CFAP36: variants seen among roughly 807,000 people sequenced by gnomAD.
CFAP36 encodes cilia- and flagella-associated protein 36.
Under a neutral mutation model 50.5 loss-of-function variants are expected in CFAP36, and 37 were observed. The observed-to-expected ratio is 0.73, with a 90% CI of 0.56 to 0.96. The LOEUF is 0.96. Ranked by LOEUF, CFAP36 falls within the 50% of genes least tolerant of loss-of-function variation. The pLI is 0.00. For missense variants in CFAP36, 407 were observed against 396.2 expected, an observed-to-expected ratio of 1.03 and a Z score of -0.23; for synonymous variants, 138 against 128.2, an observed-to-expected ratio of 1.08 and a Z score of -0.52.
chr2:55,521,313 C>T (rs374757504), intron 1 of CFAP36, among the ~76,000 whole-genome samples: 1 of 148,344 alleles, frequency 6.7e-6, no homozygotes, highest in South Asian at 2.2e-4. Context: ...ATTCAGTAAA[C>T]ACTTGTTTTG....
intron 6 of CFAP36, 80 bp downstream of exon 6, chr2:55,535,843 T>G (rs750931829): frequency 2.0e-6 from 3 of 1,472,362 alleles, no homozygotes; most frequent in Non-Finnish European, 2.7e-6. Context: ...ACTATTAAAA[T>G]TTATACTTAT....
chr2:55,527,786 C>T (rs1684247595), intron 3 of CFAP36, among the ~76,000 whole-genome samples: 2 of 152,110 alleles, frequency 1.3e-5, no homozygotes, highest in African/African-American at 4.8e-5. Flanking sequence ...AGTGTCTGCT[C>T]TCAGACCACA....
intron 3 of CFAP36, among the ~76,000 whole-genome samples, chr2:55,527,001 C>T (rs1558908312): frequency 6.6e-6 from 1 of 151,518 alleles, no homozygotes; most frequent in Non-Finnish European, 1.5e-5. Flanking sequence ...GTATTCCAGC[C>T]TGGGCTGCAG....
chr2:55,527,964 GT>G (rs1217948470), intron 3 of CFAP36, among the ~76,000 whole-genome samples: 1 of 151,940 alleles, frequency 6.6e-6, no homozygotes, highest in Non-Finnish European at 1.5e-5. Context: ...GAGCTCAGGA[GT>G]TTGAGACAAG....
intron 4 of CFAP36, among the ~76,000 whole-genome samples, chr2:55,532,221 GAAAA>G (rs1312922237): frequency 6.6e-6 from 1 of 150,670 alleles, no homozygotes; most frequent in Non-Finnish European, 1.5e-5. Flanking sequence ...AAAAAAAAAA[GAAAA>G]AGAAAAGAAA....
intron 3 of CFAP36, among the ~76,000 whole-genome samples, chr2:55,528,676 G>A (rs1684273523): frequency 6.6e-6 from 1 of 152,166 alleles, no homozygotes; most frequent in South Asian, 2.1e-4. Context: ...GTTTACAGGT[G>A]TGAGCCACCG....
Position 55,544,918 on chromosome 2 carries a change from G to GA in CFAP36, c.942dup (p.Pro315ThrfsTer27). On this transcript the variant is annotated frameshift_variant, in exon 10 of 10. Coordinates refer to ENST00000349456, the MANE Select transcript of CFAP36 (RefSeq NM_080667.7). LOFTEE classifies it high-confidence loss of function. ...TCTTTTTTTTTCAGGAAATGACAGA[G>GA]AAACCAGAAATGACAGCAGAGGAGA... 6 of 1,591,032 alleles carry GA rather than the reference G, an allele frequency of 3.8e-6. No homozygotes were observed. Among genetic ancestry groups the GA allele is most frequent in the Non-Finnish European group, 1.7e-6 (2 of 1,172,210 alleles).
Position 55,520,396 on chromosome 2 carries a change from A to G in CFAP36, c.115+480A>G, listed in dbSNP as rs74772439. 529 of 1,536,162 alleles carry G rather than the reference A, an allele frequency of 3.4e-4. No homozygotes were observed. In the Middle Eastern group the frequency reaches 4.7e-3, roughly 14 times the overall value. ...GGAAATGAGAAATGATTTCACTCCA[A>G]ACCAACAGTTAACTGCAAAGGAGGG... On this transcript the variant is annotated intron_variant, in intron 1 of 9. Transcript: ENST00000349456.
intron 1 of CFAP36, chr2:55,520,289 C>A: frequency 1.1e-6 from 1 of 936,052 alleles, no homozygotes; most frequent in Non-Finnish European, 1.6e-6. Flanking sequence ...TCTTCAACAG[C>A]TTTGCCAGAC....
rs1558904806 is a variant in CFAP36, at chr2:55,519,852, G to A, written c.51G>A (p.Ala17=). The A allele has an allele frequency of 6.2e-7, 1 of 1,614,230 alleles. No individual in the cohort carries two copies. Residue 17 remains alanine, a synonymous_variant, in exon 1 of 10, where the codon GCG becomes GCA. Coordinates refer to ENST00000349456, the MANE Select transcript of CFAP36 (RefSeq NM_080667.7). ...DEVEWVVESI[A]GFLRGPDWSI... ...TGGAGTGGGTAGTGGAGAGCATCGCGGGGTTCCTGCGAGGCCCAGACTGGT... is the reference window on the plus strand; with the variant it reads ...TGGAGTGGGTAGTGGAGAGCATCGCAGGGTTCCTGCGAGGCCCAGACTGGT...
At position 55,527,290 on chromosome 2, in the gene CFAP36, C is replaced by T. The variant is rs1377918989; in HGVS notation, c.283-1588C>T. Among the ~76,000 whole-genome samples the T allele has an allele frequency of 5.3e-5, 8 of 152,170 alleles. No homozygotes were observed. The South Asian group carries it at 1.2e-3, about 24-fold the overall frequency. The stretch of plus-strand genomic sequence containing the variant: ...TCAGTAAAGACATAGTTGAACTAAA[C>T]AGCACCTTCAGGCCAGGCACGGTGG... On this transcript the variant is annotated intron_variant, in intron 3 of 9. Coordinates refer to ENST00000349456, the MANE Select transcript of CFAP36 (RefSeq NM_080667.7).
intron 3 of CFAP36, among the ~76,000 whole-genome samples, chr2:55,526,038 G>T (rs951400517): frequency 1.3e-5 from 2 of 152,224 alleles, no homozygotes; most frequent in African/African-American, 2.4e-5. Flanking sequence ...ATAATGCGGA[G>T]AAATCCTCAT....
In CFAP36 at chr2:55,544,968, T is replaced by G. The variant is rs1400534344; in HGVS notation, c.989T>G (p.Leu330Trp). ...EEKQTLLKRRLLAEKLKEEVI... is the reference protein window; with the variant it reads ...EEKQTLLKRRWLAEKLKEEVI... ...AAGCAAACATTACTAAAGAGGAGAT[T>G]GCTTGCAGAGAAACTCAAAGAAGAA... is the stretch of plus-strand genomic sequence containing the variant. The change falls in exon 10 of 10, where the codon TTG becomes TGG. Residue 330 changes from leucine to tryptophan, a missense_variant. Leu to Trp is a moderately conservative substitution (Grantham distance 61). Coordinates refer to ENST00000349456, the MANE Select transcript of CFAP36 (RefSeq NM_080667.7). 1 of 1,605,550 alleles carries G rather than the reference T, an allele frequency of 6.2e-7. No homozygotes were observed. The highest frequency in any genetic ancestry group is 1.3e-5 in the African/African-American group (1 of 74,650).
At chr2:55,520,473 C>G (rs1429387877) in intron 1 of CFAP36, 1 of 1,547,614 alleles carries the variant, frequency 6.5e-7, no homozygotes, top group South Asian at 1.2e-5. Flanking sequence ...GGCCTGTGTT[C>G]CCCTTGGTGA....
intron 1 of CFAP36, among the ~76,000 whole-genome samples, chr2:55,520,742 G>C (rs1684040632): frequency 6.6e-6 from 1 of 152,178 alleles, no homozygotes; most frequent in African/African-American, 2.4e-5. Flanking sequence ...GCAAGACTTT[G>C]AGGGTAGTAG....
At chr2:55,536,432 G>T (rs1574622796) in intron 6 of CFAP36, among the ~76,000 whole-genome samples, 1 of 151,054 alleles carries the variant, frequency 6.6e-6, no homozygotes, top group Admixed American at 6.6e-5. Context: ...TGCCCGGCCA[G>T]AACAACCTTT....
At chr2:55,523,366 G>T (rs1009280631) in intron 2 of CFAP36, among the ~76,000 whole-genome samples, 1 of 151,902 alleles carries the variant, frequency 6.6e-6, no homozygotes, top group African/African-American at 2.4e-5. Context: ...AGTGAGCCGA[G>T]ATCGTACCAC....
At chr2:55,529,565 G>A (rs1684300987) in intron 4 of CFAP36, among the ~76,000 whole-genome samples, 4 of 151,944 alleles carry the variant, frequency 2.6e-5, no homozygotes, top group Admixed American at 2.6e-4. Context: ...TTTTTGAATG[G>A]TCATAGTTGT....
At chr2:55,520,864 A>T (rs1324515355) in intron 1 of CFAP36, among the ~76,000 whole-genome samples, 2 of 152,196 alleles carry the variant, frequency 1.3e-5, no homozygotes. Flanking sequence ...GAAGTGTTTC[A>T]TGATAGAATG....
Sources: gnomAD v4.1 joint callset for allele counts (sites outside exome capture counted in the v4.1 genomes callset) on GRCh38, gnomAD v4.1.1 for gene constraint, MANE v1.5 for transcripts, NCBI Gene and HGNC (gene_info 2026-07-23, HGNC 2026-07-21) for gene names.